Variants in FHIT observed in about 807,000 individuals in gnomAD.
The protein encoded by FHIT is bis(5'-adenosyl)-triphosphatase.
A neutral mutation model predicts 17.9 loss-of-function variants in FHIT; 19 were observed. The ratio of observed to expected loss-of-function variants is 1.06; its 90% CI spans 0.74 to 1.56. FHIT has a LOEUF of 1.56. Among genes scored for constraint, FHIT ranks in the 40% most tolerant of loss-of-function variants. The probability of loss-of-function intolerance (pLI) is 0.00; values close to 1 mark genes in which losing one functional copy is unlikely to be tolerated. For synonymous variants in FHIT, 81 were observed against 69.7 expected, an observed-to-expected ratio of 1.16 and a Z score of -0.81; for missense variants, 248 against 189.2, an observed-to-expected ratio of 1.31 and a Z score of -1.82.
At chr3:60,580,578 C>T (rs2037718775) in intron 4 of FHIT, among the ~76,000 whole-genome samples, 1 of 152,092 alleles carries the variant, frequency 6.6e-6, no homozygotes, top group Admixed American at 6.6e-5. Flanking sequence ...TAGCACAAAG[C>T]CAGCTATACA....
chr3:60,338,282 A>G (rs1048725001), intron 5 of FHIT, among the ~76,000 whole-genome samples: 33 of 152,226 alleles, frequency 2.2e-4, no homozygotes, highest in African/African-American at 7.7e-4. Flanking sequence ...ATGATAAAGC[A>G]TATATACCTG....
intron 4 of FHIT, among the ~76,000 whole-genome samples, chr3:60,729,729 T>C (rs1553710633): frequency 6.7e-6 from 1 of 149,674 alleles, no homozygotes; most frequent in Admixed American, 6.7e-5. Context: ...CATTTTATTA[T>C]CAAAACAAAA....
At chr3:60,388,659 A>G (rs1701107831) in intron 5 of FHIT, among the ~76,000 whole-genome samples, 1 of 152,142 alleles carries the variant, frequency 6.6e-6, no homozygotes, top group African/African-American at 2.4e-5. Flanking sequence ...AAGACAGAAA[A>G]TATTTTCAAA....
At chr3:60,494,617 C>G (rs1297681571) in intron 5 of FHIT, among the ~76,000 whole-genome samples, 1 of 152,110 alleles carries the variant, frequency 6.6e-6, no homozygotes, top group Non-Finnish European at 1.5e-5. Flanking sequence ...CCCTGCCCAC[C>G]ACCTGTCAAC....
chr3:60,455,481 C>G (rs374050577), intron 5 of FHIT, among the ~76,000 whole-genome samples: 41 of 152,224 alleles, frequency 2.7e-4, no homozygotes, highest in African/African-American at 8.7e-4. Context: ...AATTACAGAA[C>G]AAAACCAGTT....
At chr3:60,451,654 A>G (rs939571666) in intron 5 of FHIT, among the ~76,000 whole-genome samples, 1 of 152,138 alleles carries the variant, frequency 6.6e-6, no homozygotes, top group Non-Finnish European at 1.5e-5. Context: ...TCTACGGAAA[A>G]TCTCATTTTG....
chr3:60,592,912 C>A (rs1464657164), intron 4 of FHIT, among the ~76,000 whole-genome samples: 1 of 152,052 alleles, frequency 6.6e-6, no homozygotes, highest in Non-Finnish European at 1.5e-5. Flanking sequence ...GGTTCCTGTG[C>A]CTGGGATATA....
intron 5 of FHIT, among the ~76,000 whole-genome samples, chr3:60,489,572 T>A (rs9817027): frequency 0.096 from 14,671 of 152,236 alleles, 1,132 homozygotes; most frequent in East Asian, 0.39. Context: ...AGTCCACTTA[T>A]CACTCACACC....
At chr3:60,622,471 A>C (rs2039161649) in intron 4 of FHIT, among the ~76,000 whole-genome samples, 1 of 152,156 alleles carries the variant, frequency 6.6e-6, no homozygotes, top group Non-Finnish European at 1.5e-5. Context: ...CAAAGGGGGA[A>C]TATATAGTAA....
chr3:60,465,804 A>G (rs1452353058), intron 5 of FHIT, among the ~76,000 whole-genome samples: 1 of 152,072 alleles, frequency 6.6e-6, no homozygotes, highest in Admixed American at 6.6e-5. Flanking sequence ...TCTGTAGTAT[A>G]ATTTGAAGTC....
intron 3 of FHIT, among the ~76,000 whole-genome samples, chr3:60,871,892 G>A (rs557787829): frequency 2.6e-5 from 4 of 151,976 alleles, no homozygotes; most frequent in Admixed American, 1.3e-4. Context: ...TGAACTTCTG[G>A]ACTCAAATGA....
At chr3:60,586,242 A>C (rs2037902365) in intron 4 of FHIT, among the ~76,000 whole-genome samples, 1 of 152,016 alleles carries the variant, frequency 6.6e-6, no homozygotes. Context: ...AAATAAAGGT[A>C]AGCAGGGTAG....
At chr3:60,714,234 C>G (rs1422897456) in intron 4 of FHIT, among the ~76,000 whole-genome samples, 1 of 148,302 alleles carries the variant, frequency 6.7e-6, no homozygotes, top group Admixed American at 6.7e-5. Context: ...AATTCAACAA[C>G]CCTTCATGCT....
chr3:60,369,286 T>A (rs1022890671), intron 5 of FHIT, among the ~76,000 whole-genome samples: 3 of 152,178 alleles, frequency 2.0e-5, no homozygotes, highest in African/African-American at 7.2e-5. Context: ...CACTTTTTGA[T>A]CCTAGAATTT....
At chr3:60,174,174 T>G (rs1174366125) in intron 5 of FHIT, among the ~76,000 whole-genome samples, 2 of 151,570 alleles carry the variant, frequency 1.3e-5, no homozygotes, top group African/African-American at 4.8e-5. Flanking sequence ...CCTCCCGAAG[T>G]GCTGGGATTA....
At chr3:60,554,158 C>T (rs1310898832) in intron 4 of FHIT, among the ~76,000 whole-genome samples, 1 of 151,654 alleles carries the variant, frequency 6.6e-6, no homozygotes, top group Non-Finnish European at 1.5e-5. Context: ...GATTTCTACA[C>T]TGAAGGACAA....
intron 4 of FHIT, among the ~76,000 whole-genome samples, chr3:60,770,275 A>G (rs548885076): frequency 2.2e-5 from 3 of 139,468 alleles, no homozygotes; most frequent in Admixed American, 7.0e-5. Flanking sequence ...AACATGGAGA[A>G]AAAAAAAAAG....
intron 4 of FHIT, among the ~76,000 whole-genome samples, chr3:60,736,751 C>G (rs2042140708): frequency 6.6e-6 from 1 of 152,114 alleles, no homozygotes. Flanking sequence ...ATACTAAAAC[C>G]ACCAAGTTTC....
At chr3:60,912,509 G>A (rs959188819) in intron 3 of FHIT, among the ~76,000 whole-genome samples, 13 of 152,210 alleles carry the variant, frequency 8.5e-5, no homozygotes, top group Non-Finnish European at 1.2e-4. Flanking sequence ...ACTTTGGCAT[G>A]AGGATTATTT....
Sources: gnomAD v4.1 joint callset for allele counts (sites outside exome capture counted in the v4.1 genomes callset) on GRCh38, gnomAD v4.1.1 for gene constraint, MANE v1.5 for transcripts, NCBI Gene and HGNC (gene_info 2026-07-23, HGNC 2026-07-21) for gene names.